CLOCK: variants seen among roughly 807,000 people sequenced by gnomAD.
The protein encoded by CLOCK is circadian locomoter output cycles protein kaput.
CLOCK carries 43 observed loss-of-function variants against 118.4 expected under a neutral mutation model. That is an observed-to-expected ratio of 0.36 (90% CI 0.28 to 0.47). The LOEUF (loss-of-function observed/expected upper bound fraction) is 0.47, where lower values mean the gene tolerates loss of function less well. Ranked by LOEUF, CLOCK falls within the 20% of genes least tolerant of loss-of-function variation. The pLI is 1.00. For synonymous variants in CLOCK, 326 were observed against 339.2 expected, an observed-to-expected ratio of 0.96 and a Z score of 0.43; for missense variants, 846 against 999.9, an observed-to-expected ratio of 0.85 and a Z score of 2.08.
At chr4:55,486,444 T>G (rs1727301342) in intron 3 of CLOCK, 1 of 152,196 alleles carries the variant, frequency 6.6e-6, no homozygotes, top group African/African-American at 2.4e-5. Context: ...TCCTGGTGAT[T>G]CCCTGGGTCT....
At chr4:55,475,615 A>G (rs1429985262) in intron 7 of CLOCK, among the ~76,000 whole-genome samples, 1 of 152,168 alleles carries the variant, frequency 6.6e-6, no homozygotes, top group African/African-American at 2.4e-5. Flanking sequence ...CCCAACCTTC[A>G]GCAACCACCA....
intron 3 of CLOCK, among the ~76,000 whole-genome samples, chr4:55,484,351 C>T (rs1055609691): frequency 1.2e-4 from 19 of 152,040 alleles, no homozygotes; most frequent in Non-Finnish European, 1.5e-4. Flanking sequence ...CTACCATACC[C>T]AGGGCTAAGA....
chr4:55,435,098 G>A lies in CLOCK; in HGVS notation c.*317C>T. ...TTACTAACATCATTAGTGCCTTTCT[G>A]ATTCCCTGGAGGTCATTTCATAGCT... On this transcript the variant is annotated 3_prime_UTR_variant, in exon 23 of 23. Coordinates refer to ENST00000513440, the MANE Select transcript of CLOCK (RefSeq NM_004898.4). 2.7e-6 allele frequency: 1 copy of A among 366,924 alleles called. No individual in the cohort carries two copies. Among genetic ancestry groups the A allele is most frequent in the Non-Finnish European group, 5.3e-6 (1 of 189,518 alleles). 22.7% of individuals were successfully genotyped at this position (366,924 alleles called of 1,614,324 possible). A position where few individuals can be genotyped will look rare whatever the true frequency, so the allele number is the denominator to read the frequency against.
Position 55,444,229 on chromosome 4 carries a change from G to C in CLOCK, c.1693-333C>G, listed in dbSNP as rs546530042. On this transcript the variant is annotated intron_variant, in intron 19 of 22. Transcript: ENST00000513440. Reference sequence around the variant, plus strand: ...CCTTTACCAAAGTCATAGTCTCCTAGAGTGGTCCTGCTGGTTGGTCATATA... The same window carrying C: ...CCTTTACCAAAGTCATAGTCTCCTACAGTGGTCCTGCTGGTTGGTCATATA... Among the ~76,000 whole-genome samples, 9 of 152,256 alleles carry C rather than the reference G, an allele frequency of 5.9e-5. No individual in the cohort carries two copies. The East Asian group carries it at 1.7e-3, about 29-fold the overall frequency.
At chr4:55,470,961 G>A (rs1274893512) in intron 7 of CLOCK, among the ~76,000 whole-genome samples, 155 bp from the exon 8 acceptor site, 1 of 152,032 alleles carries the variant, frequency 6.6e-6, no homozygotes, top group Non-Finnish European at 1.5e-5. Context: ...CAATACCTTG[G>A]TATGTATCTT....
intron 2 of CLOCK, among the ~76,000 whole-genome samples, 176 bp from the exon 3 acceptor site, chr4:55,489,641 T>G (rs1727537401): frequency 6.6e-6 from 1 of 152,052 alleles, no homozygotes; most frequent in African/African-American, 2.4e-5. Context: ...AAAACATGAA[T>G]AAACTAAAAC....
chr4:55,527,294 A>G (rs770028315), intron 1 of CLOCK, among the ~76,000 whole-genome samples: 23 of 152,178 alleles, frequency 1.5e-4, no homozygotes, highest in Non-Finnish European at 2.9e-4. Flanking sequence ...TGAGTAAATA[A>G]ATCACTAAAA....
intron 1 of CLOCK, among the ~76,000 whole-genome samples, chr4:55,528,483 T>C (rs372039035): frequency 6.6e-6 from 1 of 152,172 alleles, no homozygotes; most frequent in African/African-American, 2.4e-5. Flanking sequence ...TAAACACTCA[T>C]GTTTGCCGCC....
chr4:55,493,858 T>A (rs1727880137), intron 2 of CLOCK, among the ~76,000 whole-genome samples: 1 of 152,180 alleles, frequency 6.6e-6, no homozygotes, highest in African/African-American at 2.4e-5. Context: ...GGATTCTGGC[T>A]CAAGACAAAC....
Position 55,438,519 on chromosome 4 carries a change from T to C in CLOCK, c.2124A>G (p.Gln708=), listed in dbSNP as rs1723076306. 4 of 1,613,510 alleles carry C rather than the reference T, an allele frequency of 2.5e-6. No homozygotes were observed. The East Asian group carries it at 6.7e-5, about 27-fold the overall frequency. The change falls in exon 22 of 23, where the codon CAA becomes CAG. Residue 708 remains glutamine, a synonymous_variant. Transcript: ENST00000513440. Reference sequence around the variant, plus strand: ...GAGCAGTCACTAATTTGGTCACAAGTTGTTGACCTTGAGAAAATCTGTTAG... The same window carrying C: ...GAGCAGTCACTAATTTGGTCACAAGCTGTTGACCTTGAGAAAATCTGTTAG... The part of the protein sequence containing the change: ...DRQIRFSQGQ[Q]LVTKLVTAPV...
In CLOCK at chr4:55,512,291, T is replaced by C. The variant is rs76644987; in HGVS notation, c.-289-2226A>G. On this transcript the variant is annotated intron_variant, in intron 1 of 22. Transcript: ENST00000513440. ...GATTTTCACCATTCAAATATGTATGTAGTAGTATCTCATTTTAATTTGCAT... is the reference window on the plus strand; with the variant it reads ...GATTTTCACCATTCAAATATGTATGCAGTAGTATCTCATTTTAATTTGCAT... 3.3e-5 allele frequency among the ~76,000 whole-genome samples: 5 copies of C among 152,270 alleles called. No homozygotes were observed. In the East Asian group the frequency reaches 9.6e-4, roughly 29 times the overall value.
chr4:55,479,566 T>A, intron 5 of CLOCK, 74 bp downstream of exon 5: 1 of 1,225,388 alleles, frequency 8.2e-7, no homozygotes, highest in Non-Finnish European at 1.2e-6. Flanking sequence ...GGAAATCATT[T>A]ATTCACTATT....
intron 1 of CLOCK, among the ~76,000 whole-genome samples, chr4:55,512,842 C>T (rs1252038376): frequency 2.0e-5 from 3 of 152,034 alleles, no homozygotes; most frequent in African/African-American, 7.2e-5. Flanking sequence ...GTCTTTGTTC[C>T]TCTGTGAACC....
At position 55,442,610 on chromosome 4, in the gene CLOCK, G is replaced by T; in HGVS notation, c.1927C>A (p.His643Asn). 1 of 1,612,940 alleles carries T rather than the reference G, an allele frequency of 6.2e-7. No individual in the cohort carries two copies. The highest frequency in any genetic ancestry group is 8.5e-7 in the Non-Finnish European group (1 of 1,179,766). ...TQSQQNVLSG[H>N]SQQTSLPSQT... ...CTGGGTAGAGATGTTTGCTGACTGT[G>T]CCCACTCAGTACATTTTGTTGACTC... The change falls in exon 21 of 23, where the codon CAC (histidine) becomes AAC (asparagine). Residue 643 changes from histidine to asparagine, a missense_variant. By Grantham distance (68) the His-to-Asn change is moderately conservative. Transcript: ENST00000513440.
chr4:55,539,451 G>A (rs1276162576), intron 1 of CLOCK, among the ~76,000 whole-genome samples: 2 of 151,760 alleles, frequency 1.3e-5, no homozygotes, highest in African/African-American at 2.4e-5. Context: ...GCATGTGCCT[G>A]TGGTTCCAGC....
chr4:55,486,139 A>G (rs1485698566), intron 3 of CLOCK, among the ~76,000 whole-genome samples: 1 of 152,170 alleles, frequency 6.6e-6, no homozygotes, highest in Admixed American at 6.5e-5. Flanking sequence ...TGACTCCGTA[A>G]ATGCCAATTC....
intron 2 of CLOCK, among the ~76,000 whole-genome samples, chr4:55,504,135 A>C (rs1040186689): frequency 1.4e-4 from 21 of 151,516 alleles, no homozygotes; most frequent in Non-Finnish European, 3.1e-4. Flanking sequence ...ATACAAAAAA[A>C]ATTAGCTGGG....
intron 14 of CLOCK, 119 bp from the exon 15 acceptor site, chr4:55,453,248 T>C (rs1027829627): frequency 3.5e-6 from 3 of 853,622 alleles, no homozygotes; most frequent in Non-Finnish European, 5.8e-6. Context: ...ATTTGCTATG[T>C]GCTACACAAA....
chr4:55,437,742 C>G (rs1162733317), intron 22 of CLOCK, among the ~76,000 whole-genome samples: 2 of 152,142 alleles, frequency 1.3e-5, no homozygotes, highest in African/African-American at 4.8e-5. Flanking sequence ...GTGACTCAAC[C>G]CCAAGGCAGC....
Sources: allele counts gnomAD v4.1 joint callset (sites outside exome capture counted in the v4.1 genomes callset), GRCh38; gene constraint gnomAD v4.1.1; transcripts MANE v1.5; gene names NCBI Gene and HGNC (gene_info 2026-07-23, HGNC 2026-07-21).